SLC16A12: variants seen among roughly 807,000 people sequenced by gnomAD.
The protein encoded by SLC16A12 is monocarboxylate transporter 12.
In SLC16A12, 17 loss-of-function variants were observed where a neutral mutation model predicts 42.4. The observed-to-expected ratio is 0.40, with a 90% CI of 0.27 to 0.60. The LOEUF is 0.60. Among genes scored for constraint, SLC16A12 ranks in the 20% least tolerant of loss-of-function variants. The probability of loss-of-function intolerance (pLI) is 0.42; values close to 1 mark genes in which losing one functional copy is unlikely to be tolerated. For synonymous variants in SLC16A12, 224 were observed against 229.4 expected (o/e 0.98, Z 0.21); for missense variants, 544 against 623.0 (o/e 0.87, Z 1.35).
intron 3 of SLC16A12, among the ~76,000 whole-genome samples, chr10:89,444,485 TAGTA>T (rs1253172714): frequency 3.3e-5 from 5 of 152,158 alleles, no homozygotes; most frequent in South Asian, 2.1e-4. Context: ...TAAAATAAAA[TAGTA>T]AGTCTTAAAA....
intron 2 of SLC16A12, among the ~76,000 whole-genome samples, chr10:89,501,734 G>C (rs1204021755): frequency 6.6e-6 from 1 of 152,262 alleles, no homozygotes; most frequent in East Asian, 1.9e-4. Flanking sequence ...CCGGGCGACA[G>C]AGCAAGACTT....
chr10:89,485,779 C>T (rs1351917573), intron 2 of SLC16A12, among the ~76,000 whole-genome samples: 6 of 152,066 alleles, frequency 3.9e-5, no homozygotes, highest in African/African-American at 4.8e-5. Flanking sequence ...AGGAGAGCAG[C>T]GTGTGTAGAT....
At chr10:89,446,400 G>A (rs1842002441) in intron 3 of SLC16A12, among the ~76,000 whole-genome samples, 1 of 152,238 alleles carries the variant, frequency 6.6e-6, no homozygotes, top group South Asian at 2.1e-4. Flanking sequence ...CAGACTAACA[G>A]CAGATCTCTT....
intron 3 of SLC16A12, among the ~76,000 whole-genome samples, chr10:89,446,633 G>A (rs1036187883): frequency 1.4e-4 from 22 of 152,080 alleles, no homozygotes; most frequent in African/African-American, 5.1e-4. Flanking sequence ...AGGAACAATC[G>A]GTACCAGCCA....
chr10:89,472,583 C>T (rs1174630133), intron 2 of SLC16A12, among the ~76,000 whole-genome samples: 3 of 144,778 alleles, frequency 2.1e-5, no homozygotes, highest in Non-Finnish European at 4.5e-5. Flanking sequence ...ACCTCCACCT[C>T]CTAGGTTCAA....
intron 2 of SLC16A12, among the ~76,000 whole-genome samples, chr10:89,527,568 A>T (rs1036046842): frequency 1.3e-5 from 2 of 151,802 alleles, no homozygotes; most frequent in African/African-American, 4.8e-5. Context: ...GGCTGAGGAG[A>T]GAGGATTGCT....
intron 2 of SLC16A12, among the ~76,000 whole-genome samples, chr10:89,513,333 C>A (rs944360632): frequency 1.2e-4 from 19 of 152,172 alleles, no homozygotes; most frequent in African/African-American, 4.1e-4. Context: ...CTTCACCAAT[C>A]CCCTCTTGTT....
At chr10:89,513,026 C>A (rs1281242137) in intron 2 of SLC16A12, among the ~76,000 whole-genome samples, 1 of 152,068 alleles carries the variant, frequency 6.6e-6, no homozygotes, top group Non-Finnish European at 1.5e-5. Flanking sequence ...AAACCCCATA[C>A]CTTTGATGTC....
chr10:89,482,839 C>T (rs575848756), intron 2 of SLC16A12, among the ~76,000 whole-genome samples: 7 of 151,124 alleles, frequency 4.6e-5, no homozygotes, highest in African/African-American at 1.2e-4. Flanking sequence ...AAAAAACCCA[C>T]AAAATTTAGC....
intron 3 of SLC16A12, among the ~76,000 whole-genome samples, chr10:89,458,124 T>A (rs1174325082): frequency 6.6e-6 from 1 of 152,238 alleles, no homozygotes; most frequent in African/African-American, 2.4e-5. Context: ...AGAACCAGCA[T>A]CCATTTACTG....
At chr10:89,467,498 TGTTCAACAAATA>T (rs1842422393) in intron 2 of SLC16A12, among the ~76,000 whole-genome samples, 1 of 152,156 alleles carries the variant, frequency 6.6e-6, no homozygotes, top group African/African-American at 2.4e-5. Context: ...AATTATGACA[TGTTCAACAAATA>T]GAAGAGTATG....
intron 3 of SLC16A12, among the ~76,000 whole-genome samples, chr10:89,448,567 TA>T (rs1426154548): frequency 6.6e-5 from 10 of 152,300 alleles, no homozygotes; most frequent in Non-Finnish European, 1.5e-4. Context: ...CCCTTCATGC[TA>T]AAAACTCTCA....
In SLC16A12 at chr10:89,430,970, A is replaced by T; in HGVS notation, c.*2094T>A. On this transcript the variant is annotated 3_prime_UTR_variant, in exon 8 of 8. Coordinates refer to ENST00000371790, the MANE Select transcript of SLC16A12 (RefSeq NM_213606.4). ...TGCTATTCCAAACAGATATAACTTC[A>T]TCTTAACTTTGACATTTTACAGATA... is the stretch of plus-strand genomic sequence containing the variant. 3.4e-6 allele frequency: 1 copy of T among 294,316 alleles called. No individual in the cohort carries two copies. Among genetic ancestry groups the T allele is most frequent in the South Asian group, 3.0e-5 (1 of 32,976 alleles). The allele number at this position is 294,316 out of a possible 1,614,324, so 18.2% of individuals were successfully genotyped here. A position where few individuals can be genotyped will look rare whatever the true frequency, so the allele number is the denominator to read the frequency against.
intron 2 of SLC16A12, among the ~76,000 whole-genome samples, chr10:89,506,978 T>C (rs1298441539): frequency 6.6e-6 from 1 of 151,718 alleles, no homozygotes; most frequent in African/African-American, 2.4e-5. Context: ...AGGATATCAG[T>C]GATTGAAGAC....
rs758458503 is a variant in SLC16A12 at position 89,462,372 on chromosome 10, T to C, written c.200+7A>G. The C allele has an allele frequency of 6.2e-7, 1 of 1,613,942 alleles. No individual in the cohort carries two copies. Among genetic ancestry groups the C allele is most frequent in the East Asian group, 2.2e-5 (1 of 44,874 alleles). On this transcript the variant is annotated splice_region_variant and intron_variant, in intron 3 of 7. Coordinates refer to ENST00000371790, the MANE Select transcript of SLC16A12 (RefSeq NM_213606.4). ...TCTTAATAAGTTAAGAAGAAAATCC[T>C]ACCTACCTTGTGACTGCCCGTGTGC... is the stretch of plus-strand genomic sequence containing the variant.
chr10:89,492,363 G>A (rs778002869), intron 2 of SLC16A12, among the ~76,000 whole-genome samples: 6 of 152,002 alleles, frequency 3.9e-5, no homozygotes, highest in Non-Finnish European at 8.8e-5. Flanking sequence ...TATGTCGCCC[G>A]AGATAAGAGC....
At chr10:89,480,045 G>C (rs1842640354) in intron 2 of SLC16A12, among the ~76,000 whole-genome samples, 1 of 152,128 alleles carries the variant, frequency 6.6e-6, no homozygotes, top group Non-Finnish European at 1.5e-5. Flanking sequence ...GCTGTAAATA[G>C]TAACACAACA....
chr10:89,451,443 C>A (rs1212107549), intron 3 of SLC16A12, among the ~76,000 whole-genome samples: 1 of 151,896 alleles, frequency 6.6e-6, no homozygotes, highest in East Asian at 1.9e-4. Flanking sequence ...CAGAGTTTTA[C>A]TCCTGTTGCC....
At chr10:89,445,809 G>A (rs368312972) in intron 3 of SLC16A12, among the ~76,000 whole-genome samples, 23 of 152,222 alleles carry the variant, frequency 1.5e-4, no homozygotes, top group East Asian at 9.6e-4. Context: ...AAACTTCTCC[G>A]AGCTAAAGGA....
Sources: allele counts gnomAD v4.1 joint callset (sites outside exome capture counted in the v4.1 genomes callset), GRCh38; gene constraint gnomAD v4.1.1; transcripts MANE v1.5; gene names NCBI Gene and HGNC (gene_info 2026-07-23, HGNC 2026-07-21).